The following SETD1A variants were observed in gnomAD, a reference collection of about 807,000 sequenced individuals.
SETD1A encodes the protein SET domain containing 1A, histone lysine methyltransferase, also known as histone-lysine N-methyltransferase SETD1A.
SETD1A carries 29 observed loss-of-function variants against 149.9 expected under a neutral mutation model. The observed-to-expected ratio is 0.19, with a 90% CI of 0.14 to 0.26. SETD1A has a LOEUF of 0.26. SETD1A is among the 10% of genes least tolerant of loss of function. The pLI is 1.00. For synonymous variants in SETD1A, 1,141 were observed against 968.5 expected, an observed-to-expected ratio of 1.18 and a Z score of -3.31; for missense variants, 2,109 against 2,353.1, an observed-to-expected ratio of 0.90 and a Z score of 2.15.
chr16:30,978,234 A>C (rs2056310924), intron 13 of SETD1A, among the ~76,000 whole-genome samples: 1 of 145,920 alleles, frequency 6.9e-6, no homozygotes, highest in Non-Finnish European at 1.5e-5. Flanking sequence ...AGATTGCGCC[A>C]CTGCACTCCC....
At chr16:30,971,775 A>G (rs1438715021) in intron 13 of SETD1A, 56 bp downstream of exon 13, 11 of 1,497,924 alleles carry the variant, frequency 7.3e-6, no homozygotes, top group Non-Finnish European at 8.9e-6. Flanking sequence ...AGAGAGAGAA[A>G]ACAGTGGTGC....
At position 30,966,219 on chromosome 16, in the gene SETD1A, G is replaced by C; in HGVS notation, c.2338G>C (p.Ala780Pro). 1 of 1,613,554 alleles carries C rather than the reference G, an allele frequency of 6.2e-7. No individual in the cohort carries two copies. Among genetic ancestry groups the C allele is most frequent in the Non-Finnish European group, 8.5e-7 (1 of 1,179,918 alleles). ...RLPPREEAEL[A>P]EGKTLPTAGT... is the part of the protein sequence containing the mutation. ...GCCACCCAGGGAAGAAGCAGAGCTG[G>C]CAGAGGGCAAGACCCTCCCGACAGC... The change falls in exon 8 of 19, where the codon GCA (alanine) becomes CCA (proline). Residue 780 changes from alanine (A) to proline (P), a missense_variant. Ala to Pro is a conservative substitution (Grantham distance 27). Coordinates refer to ENST00000262519, the MANE Select transcript of SETD1A (RefSeq NM_014712.3).
In SETD1A at chr16:30,980,128, G is replaced by C. The variant is rs1482559628; in HGVS notation, c.4342G>C (p.Glu1448Gln). The change falls in exon 14 of 19, where the codon GAG becomes CAG. Residue 1448 changes from glutamate (E) to glutamine (Q), a missense_variant. Around this residue, in one of 8 missense-constraint regions of SETD1A, gnomAD observed 254 missense variants for 409.3 expected, o/e 0.62. Transcript: ENST00000262519. This position sits in a 1 kb window ranked among gnomAD's most constrained non-coding sequence, Gnocchi z 7.7. The part of the protein sequence containing the change: ...EDMSYLRLTY[E>Q]RLLQQTSGAD... ...CATGAGTTACCTGCGGCTTACGTAC[G>C]AGCGGCTGCTGCAGCAGACAAGCGG... 1 of 1,612,176 alleles carries C rather than the reference G, an allele frequency of 6.2e-7. No homozygotes were observed. The highest frequency in any genetic ancestry group is 8.5e-7 in the Non-Finnish European group (1 of 1,179,442).
rs1418985931 is a variant in SETD1A, at chr16:30,965,304, T to G, written c.1562T>G (p.Leu521Arg). 1 of 1,614,226 alleles carries G rather than the reference T, an allele frequency of 6.2e-7. No homozygotes were observed. The highest frequency in any genetic ancestry group is 1.1e-5 in the South Asian group (1 of 91,090). The change falls in exon 7 of 19, where the codon CTT becomes CGT. Residue 521 changes from leucine to arginine, a missense_variant. By Grantham distance (102) the Leu-to-Arg change is moderately radical. Coordinates refer to ENST00000262519, the MANE Select transcript of SETD1A (RefSeq NM_014712.3). ...EEEEENSSMV[L>R]GARDTGSEVP... ...GAGGAAGAGAACAGCAGCATGGTCC[T>G]TGGGGCCAGAGATACAGGGAGTGAG...
In SETD1A at chr16:30,967,354, G is replaced by A. The variant is rs2056162375; in HGVS notation, c.2683-147G>A. The stretch of plus-strand genomic sequence containing the variant: ...TTTTTAGTAGAGCTGGGGTTTCACT[G>A]TGTTGGCCAGGCTGGTCTTGAACTC... On this transcript the variant is annotated intron_variant, in intron 9 of 18. Coordinates refer to ENST00000262519, the MANE Select transcript of SETD1A (RefSeq NM_014712.3). 1.2e-5 allele frequency: 9 copies of A among 749,464 alleles called. No individual in the cohort carries two copies. The Admixed American group carries it at 2.0e-4, about 17-fold the overall frequency. The allele number at this position is 749,464 out of a possible 1,614,324, so 46.4% of individuals were successfully genotyped here.
At position 30,966,919 on chromosome 16, in the gene SETD1A, G is replaced by A. The variant is rs369169116; in HGVS notation, c.2541G>A (p.Glu847=). Residue 847 remains glutamate (E), a synonymous_variant, in exon 9 of 19, where the codon GAG becomes GAA. Transcript: ENST00000262519. The part of the protein sequence containing the change: ...FQNAAKQQAK[E]EDKEKTKLKE... ...ACGCGGCCAAGCAGCAAGCCAAGGA[G>A]GAGGATAAAGAGAAGACGAAGCTGA... is the stretch of plus-strand genomic sequence containing the variant. The A allele has an allele frequency of 1.3e-6, 2 of 1,570,852 alleles. No individual in the cohort carries two copies. Among genetic ancestry groups the A allele is most frequent in the Admixed American group, 3.8e-5 (2 of 52,528 alleles).
rs775252473 is a variant in SETD1A, at chr16:30,980,856, C to T, written c.4692+7C>T. 2 of 527,756 alleles carry T rather than the reference C, an allele frequency of 3.8e-6. No individual in the cohort carries two copies. Among genetic ancestry groups the T allele is most frequent in the South Asian group, 1.6e-5 (1 of 64,424 alleles). 32.7% of individuals were successfully genotyped at this position (527,756 alleles called of 1,614,324 possible). ...GAAACTCAACCAGCTCAAGGTGAGGCTGGGCTGCAGGAGGGGCTGGGTGGG... is the reference window on the plus strand; with the variant it reads ...GAAACTCAACCAGCTCAAGGTGAGGTTGGGCTGCAGGAGGGGCTGGGTGGG... On this transcript the variant is annotated splice_region_variant and intron_variant, in intron 16 of 18. Transcript: ENST00000262519. The surrounding 1 kb of genome is among the most constrained non-coding windows in gnomAD (Gnocchi z 7.7).
chr16:30,958,942 C>T, intron 2 of SETD1A, 61 bp downstream of exon 2: 1 of 1,590,632 alleles, frequency 6.3e-7, no homozygotes, highest in Non-Finnish European at 8.6e-7. Flanking sequence ...CTCTGTGATT[C>T]TGTTCAGCAC....
rs1164482148 is a variant in SETD1A, at chr16:30,971,565, G to A, written c.3204G>A (p.Glu1068=). Residue 1068 remains glutamate, a synonymous_variant, in exon 13 of 19, where the codon GAG becomes GAA. Transcript: ENST00000262519. The part of the protein sequence containing the change: ...SESSSEDEEE[E]ERPAALPSAS... ...CCTCCTCTGAAGATGAAGAGGAAGA[G>A]GAGCGGCCAGCAGCCCTTCCCTCAG... 12 of 1,613,884 alleles carry A rather than the reference G, an allele frequency of 7.4e-6. No homozygotes were observed. Among genetic ancestry groups the A allele is most frequent in the Non-Finnish European group, 1.0e-5 (12 of 1,179,950 alleles).
rs368598247 is a variant in SETD1A, at chr16:30,966,866, C to T, written c.2506-18C>T. The T allele has an allele frequency of 5.2e-6, 8 of 1,540,518 alleles. No individual in the cohort carries two copies. In the African/African-American group the frequency reaches 6.9e-5, roughly 13 times the overall value. On this transcript the variant is annotated intron_variant, in intron 8 of 18. Transcript: ENST00000262519. ...CTGGGTTCTGGGCGCTGGGGCTCAG[C>T]CCCACTGCTGCCTGCAGCCATTCCA... is the stretch of plus-strand genomic sequence containing the variant.
intron 3 of SETD1A, 102 bp downstream of exon 3, chr16:30,959,288 A>C: frequency 8.7e-6 from 7 of 801,814 alleles, no homozygotes; most frequent in Non-Finnish European, 1.5e-5. Context: ...AAAGGATCTC[A>C]GCCAGATCTA....
chr16:30,982,576 C>T (rs893068637), intron 17 of SETD1A, among the ~76,000 whole-genome samples: 4 of 151,496 alleles, frequency 2.6e-5, no homozygotes, highest in Non-Finnish European at 5.9e-5. Flanking sequence ...GAGCCCAGAC[C>T]GCACGGGCTT....
chr16:30,966,887 T>A lies in SETD1A; in HGVS notation c.2509T>A (p.Phe837Ile). The change falls in exon 9 of 19, where the codon TTC (phenylalanine) becomes ATC (isoleucine). Residue 837 changes from phenylalanine (F) to isoleucine (I), a missense_variant. Coordinates refer to ENST00000262519, the MANE Select transcript of SETD1A (RefSeq NM_014712.3). ...TCAGCCCCACTGCTGCCTGCAGCCA[T>A]TCCAGAACGCGGCCAAGCAGCAAGC... ...WESKEEKAKP[F>I]QNAAKQQAKE... 3 of 1,554,946 alleles carry A rather than the reference T, an allele frequency of 1.9e-6. No individual in the cohort carries two copies. Among genetic ancestry groups the A allele is most frequent in the Non-Finnish European group, 2.6e-6 (3 of 1,149,488 alleles).
At chr16:30,969,205 C>A in intron 10 of SETD1A, 100 bp from the exon 11 acceptor site, 4 of 1,203,872 alleles carry the variant, frequency 3.3e-6, no homozygotes, top group Non-Finnish European at 3.5e-6. Context: ...AAATGAAGAC[C>A]ATCAGGAAGA....
chr16:30,979,002 G>A, intron 13 of SETD1A, 143 bp from the exon 14 acceptor site: 1 of 783,356 alleles, frequency 1.3e-6, no homozygotes, highest in Admixed American at 3.0e-5. Flanking sequence ...TGGGATGTGG[G>A]GCTGAGGCCA....
At chr16:30,963,165 C>A (rs1401346140) in intron 4 of SETD1A, among the ~76,000 whole-genome samples, 2 of 152,190 alleles carry the variant, frequency 1.3e-5, no homozygotes, top group African/African-American at 2.4e-5. Context: ...GGTACTGATG[C>A]TTCCCTTCTG....
In SETD1A at chr16:30,979,256, T is replaced by G; in HGVS notation, c.3470T>G (p.Leu1157Arg). The change falls in exon 14 of 19, where the codon CTC (leucine) becomes CGC (arginine). Residue 1157 changes from leucine to arginine, a missense_variant. Leu to Arg is a moderately radical substitution (Grantham distance 102). Transcript: ENST00000262519. ...GAGCGTCCCTCTTCTCCCATCCCCC[T>G]CCTGCCCCCACCCAAGAAACGCCGG... ...PDERPSSPIP[L>R]LPPPKKRRKT... 5 of 900,358 alleles carry G rather than the reference T, an allele frequency of 5.6e-6. No homozygotes were observed. Among genetic ancestry groups the G allele is most frequent in the Non-Finnish European group, 7.3e-6 (5 of 688,706 alleles). The allele number at this position is 900,358 out of a possible 1,614,324, so 55.8% of individuals were successfully genotyped here.
intron 17 of SETD1A, 139 bp downstream of exon 17, chr16:30,981,319 C>A: frequency 2.7e-6 from 3 of 1,094,384 alleles, no homozygotes; most frequent in Non-Finnish European, 1.3e-6. Flanking sequence ...AGCCTCCCTC[C>A]GGTGTGGTCA....
At chr16:30,976,750 A>G (rs1270527146) in intron 13 of SETD1A, among the ~76,000 whole-genome samples, 1 of 152,086 alleles carries the variant, frequency 6.6e-6, no homozygotes, top group Non-Finnish European at 1.5e-5. Context: ...GAAGGGGATC[A>G]CTGGAGATGC....
Sources: allele counts gnomAD v4.1 joint callset (sites outside exome capture counted in the v4.1 genomes callset), GRCh38; gene constraint gnomAD v4.1.1; regional missense constraint gnomAD v4.1.1; non-coding constraint Gnocchi (gnomAD v3.1); transcripts MANE v1.5; gene names NCBI Gene and HGNC (gene_info 2026-07-23, HGNC 2026-07-21).